The following WHRN variants were observed in gnomAD, a reference collection of about 807,000 sequenced individuals.
The protein encoded by WHRN is CASK-interacting protein CIP98.
WHRN carries 41 observed loss-of-function variants against 68.3 expected under a neutral mutation model. That is an observed-to-expected ratio of 0.60 (90% CI 0.47 to 0.78). The LOEUF (loss-of-function observed/expected upper bound fraction) is 0.78. Ranked by LOEUF, WHRN falls within the 30% of genes least tolerant of loss-of-function variation. WHRN has a pLI of 0.00. For synonymous variants in WHRN, 560 were observed against 561.3 expected (o/e 1.00, Z 0.03); for missense variants, 1,243 against 1,244.7 (o/e 1.00, Z 0.02).
chr9:114,445,524 C>A (rs1665630720), intron 3 of WHRN, among the ~76,000 whole-genome samples: 1 of 152,076 alleles, frequency 6.6e-6, no homozygotes, highest in Admixed American at 6.5e-5. Flanking sequence ...ACCAGACTGT[C>A]AAGTGTATAA....
chr9:114,447,496 T>TACTGGTAC lies in WHRN; in HGVS notation c.963+18770_963+18771insGTACCAGT, dbSNP rs759110016. Among the ~76,000 whole-genome samples the TACTGGTAC allele has an allele frequency of 3.5e-3, 537 of 152,348 alleles. 6 individuals carry two copies. Among genetic ancestry groups the TACTGGTAC allele is most frequent in the Non-Finnish European group, 5.5e-3 (376 of 68,034 alleles). ...ATCCAGTTATCAGGTAGTACTCCTA[T>TACTGGTAC]TAAGAGCATGGTACTTCTTAACAGG... On this transcript the variant is annotated intron_variant, in intron 3 of 11. Coordinates refer to ENST00000362057, the MANE Select transcript of WHRN (RefSeq NM_015404.4).
intron 7 of WHRN, among the ~76,000 whole-genome samples, chr9:114,410,392 T>C (rs1835347491): frequency 6.6e-6 from 1 of 152,208 alleles, no homozygotes; most frequent in African/African-American, 2.4e-5. Flanking sequence ...AATGGCAGGA[T>C]GGATGAATGA....
chr9:114,487,443 A>G (rs1842641239), intron 1 of WHRN, among the ~76,000 whole-genome samples: 1 of 152,198 alleles, frequency 6.6e-6, no homozygotes, highest in African/African-American at 2.4e-5. Context: ...TGTATTTTGA[A>G]GATCTTTTCT....
At chr9:114,432,366 CAG>C (rs1413182042) in intron 3 of WHRN, among the ~76,000 whole-genome samples, 1 of 152,262 alleles carries the variant, frequency 6.6e-6, no homozygotes, top group African/African-American at 2.4e-5. Context: ...CGGAAACACT[CAG>C]TGGACCTTGC....
intron 4 of WHRN, chr9:114,425,957 T>C (rs140784120): frequency 5.2e-4 from 293 of 563,748 alleles, no homozygotes; most frequent in African/African-American, 4.7e-3. Flanking sequence ...CTAAGGTCTA[T>C]AGAATGAGTT....
Position 114,504,671 on chromosome 9 carries a change from T to A in WHRN, c.131A>T (p.Gln44Leu), listed in dbSNP as rs766912207. Reference protein sequence around the residue: ...LLSANVRQLHQALTALLSEAE... With the variant: ...LLSANVRQLHLALTALLSEAE... The stretch of plus-strand genomic sequence containing the variant: ...CTCGCTCAGCAGCGCGGTCAGCGCT[T>A]GGTGCAGCTGGCGCACGTTGGCAGA... Residue 44 changes from glutamine to leucine, a missense_variant, in exon 1 of 12, where the codon CAA becomes CTA. Transcript: ENST00000362057. The A allele has an allele frequency of 5.0e-6, 8 of 1,601,784 alleles. No homozygotes were observed. The highest frequency in any genetic ancestry group is 2.5e-6 in the Non-Finnish European group (3 of 1,176,908).
At chr9:114,429,601 CCT>C (rs1837223233) in intron 3 of WHRN, among the ~76,000 whole-genome samples, 1 of 152,212 alleles carries the variant, frequency 6.6e-6, no homozygotes, top group South Asian at 2.1e-4. Context: ...AGCCAGGGCC[CCT>C]GAGAACTTCG....
intron 3 of WHRN, among the ~76,000 whole-genome samples, chr9:114,459,725 C>A (rs1458054780): frequency 6.6e-6 from 1 of 152,208 alleles, no homozygotes; most frequent in Admixed American, 6.5e-5. Flanking sequence ...GCAGGTCATC[C>A]ACACAGTCAC....
At chr9:114,462,272 CTT>C (rs1162781966) in intron 3 of WHRN, among the ~76,000 whole-genome samples, 3 of 152,216 alleles carry the variant, frequency 2.0e-5, no homozygotes, top group African/African-American at 7.2e-5. Context: ...GGCTTCATCT[CTT>C]TTCCTGTCCC....
At chr9:114,403,364 C>A (rs1834805149) in intron 10 of WHRN, 25 bp from the exon 11 acceptor site, 1 of 1,613,644 alleles carries the variant, frequency 6.2e-7, no homozygotes, top group South Asian at 1.1e-5. Context: ...AAGGACACCA[C>A]TGAGGCCTTC....
intron 1 of WHRN, among the ~76,000 whole-genome samples, chr9:114,490,254 C>T (rs995717125): frequency 6.6e-6 from 1 of 152,134 alleles, no homozygotes; most frequent in Non-Finnish European, 1.5e-5. Flanking sequence ...AACGCAATGA[C>T]AACATACGTC....
intron 3 of WHRN, among the ~76,000 whole-genome samples, chr9:114,443,772 A>C (rs1039648114): frequency 9.2e-5 from 14 of 152,240 alleles, no homozygotes; most frequent in African/African-American, 3.4e-4. Context: ...GAATACCAGA[A>C]GGTCCCTGTA....
rs987894364 is a variant in WHRN, at chr9:114,426,533, C to G, written c.964-120G>C. 8 of 1,201,258 alleles carry G rather than the reference C, an allele frequency of 6.7e-6. No homozygotes were observed. The Admixed American group carries it at 1.3e-4, about 19-fold the overall frequency. The allele number at this position is 1,201,258 out of a possible 1,614,324, so 74.4% of individuals were successfully genotyped here. On this transcript the variant is annotated intron_variant, in intron 3 of 11. Coordinates refer to ENST00000362057, the MANE Select transcript of WHRN (RefSeq NM_015404.4). ...GCCTGTCAAGGAGGTCATCCAGGATCAGAGAGGATGTGAGGATGCCTGAGG... is the reference window on the plus strand; with the variant it reads ...GCCTGTCAAGGAGGTCATCCAGGATGAGAGAGGATGTGAGGATGCCTGAGG...
rs1836687112 is a variant in WHRN at position 114,424,988 on chromosome 9, C to T, written c.1203G>A (p.Lys401=). The T allele has an allele frequency of 2.5e-6, 4 of 1,614,034 alleles. No individual in the cohort carries two copies. Among genetic ancestry groups the T allele is most frequent in the Non-Finnish European group, 3.4e-6 (4 of 1,179,988 alleles). The change falls in exon 5 of 12, where the codon AAG becomes AAA. Residue 401 remains lysine, a splice_region_variant and synonymous_variant. Coordinates refer to ENST00000362057, the MANE Select transcript of WHRN (RefSeq NM_015404.4). ...LGDLTTEGIN[K]PGFYKGPAGS... ...GAATACCCCTTAGAGGATGTCCTAC[C>T]TTGTTTATTCCTTCTGTTGTGAGAT... is the stretch of plus-strand genomic sequence containing the variant.
At chr9:114,422,834 C>CAACAAAAAGAA in intron 7 of WHRN, among the ~76,000 whole-genome samples, 2 of 152,086 alleles carry the variant, frequency 1.3e-5, no homozygotes, top group South Asian at 2.1e-4. Flanking sequence ...GAAGCCATCT[C>CAACAAAAAGAA]GAAAAACAAA....
chr9:114,493,097 C>G (rs1296750771), intron 1 of WHRN, among the ~76,000 whole-genome samples: 1 of 152,070 alleles, frequency 6.6e-6, no homozygotes, highest in Non-Finnish European at 1.5e-5. Context: ...CGCCTGTAAT[C>G]CCAGTGTTTT....
chr9:114,439,479 G>A (rs1404604782), intron 3 of WHRN, among the ~76,000 whole-genome samples: 3 of 152,226 alleles, frequency 2.0e-5, no homozygotes, highest in Admixed American at 2.0e-4. Context: ...AACACTTAAG[G>A]TAGGTTCTTG....
chr9:114,407,592 T>C (rs1423056481), intron 8 of WHRN, among the ~76,000 whole-genome samples: 2 of 152,200 alleles, frequency 1.3e-5, no homozygotes, highest in East Asian at 1.9e-4. Context: ...CTTTACTTAA[T>C]TAATTTACTC....
At chr9:114,430,975 T>C (rs1196262868) in intron 3 of WHRN, among the ~76,000 whole-genome samples, 2 of 152,178 alleles carry the variant, frequency 1.3e-5, no homozygotes, top group African/African-American at 2.4e-5. Context: ...CCTTTTCCTC[T>C]ACTTGTTGGA....
Sources: allele counts gnomAD v4.1 joint callset (sites outside exome capture counted in the v4.1 genomes callset), GRCh38; gene constraint gnomAD v4.1.1; transcripts MANE v1.5; gene names NCBI Gene and HGNC (gene_info 2026-07-23, HGNC 2026-07-21).